NAALADL2: variants seen among roughly 807,000 people sequenced by gnomAD.
The protein encoded by NAALADL2 is inactive N-acetylated-alpha-linked acidic dipeptidase-like protein 2.
NAALADL2 carries 76 observed loss-of-function variants against 87.2 expected under a neutral mutation model. The observed-to-expected ratio is 0.87, with a 90% confidence interval of 0.72 to 1.05. The LOEUF is 1.05. Ranked by LOEUF, NAALADL2 falls within the 50% of genes least tolerant of loss-of-function variation. The pLI, the probability that NAALADL2 is intolerant of heterozygous loss-of-function variation, is 0.00. For missense variants in NAALADL2, 1,089 were observed against 945.8 expected (o/e 1.15, Z -1.99); for synonymous variants, 354 against 331.0 (o/e 1.07, Z -0.75).
chr3:175,251,894 G>A (rs1388035294), intron 3 of NAALADL2, among the ~76,000 whole-genome samples: 1 of 152,140 alleles, frequency 6.6e-6, no homozygotes, highest in African/African-American at 2.4e-5. Flanking sequence ...TAGTGCATAA[G>A]CCAAAATAAA....
intron 3 of NAALADL2, among the ~76,000 whole-genome samples, chr3:175,244,126 G>A (rs552675217): frequency 6.6e-6 from 1 of 152,048 alleles, no homozygotes; most frequent in South Asian, 2.1e-4. Flanking sequence ...CCCTTATCTC[G>A]GGAGCAATCA....
intron 1 of NAALADL2, among the ~76,000 whole-genome samples, chr3:175,030,341 C>A (rs1560495022): frequency 6.6e-6 from 1 of 151,992 alleles, no homozygotes; most frequent in Admixed American, 6.6e-5. Flanking sequence ...TGTTACTTTT[C>A]TGAAAATTAA....
chr3:174,807,630 T>A (rs1487079654), intron 3 of NAALADL2, among the ~76,000 whole-genome samples: 1 of 152,140 alleles, frequency 6.6e-6, no homozygotes, highest in African/African-American at 2.4e-5. Flanking sequence ...GAACTAGAAA[T>A]GAGCAGAACA....
chr3:174,895,018 T>C lies in NAALADL2; in HGVS notation c.43+35568T>C, dbSNP rs992113174. On this transcript the variant is annotated intron_variant, in intron 1 of 13. Coordinates refer to ENST00000454872, the MANE Select transcript of NAALADL2 (RefSeq NM_207015.3). The stretch of plus-strand genomic sequence containing the variant: ...ATACAACATACCAAAACCTATGGTA[T>C]ACAGCAAAAGCAGTACACAGAGATA... Among the ~76,000 whole-genome samples the C allele has an allele frequency of 2.0e-5, 3 of 152,248 alleles. No individual in the cohort carries two copies. In the East Asian group the frequency reaches 5.8e-4, roughly 29 times the overall value.
intron 13 of NAALADL2, among the ~76,000 whole-genome samples, chr3:175,782,896 A>G (rs1417463603): frequency 6.8e-6 from 1 of 147,256 alleles, no homozygotes; most frequent in Non-Finnish European, 1.5e-5. Context: ...GGTGTAAGGA[A>G]GGGATCCAGT....
intron 2 of NAALADL2, among the ~76,000 whole-genome samples, chr3:174,587,703 C>T (rs1479852164): frequency 6.6e-6 from 1 of 152,072 alleles, no homozygotes; most frequent in African/African-American, 2.4e-5. Flanking sequence ...GAGTATTGGC[C>T]CCCACTCTCT....
At chr3:174,443,611 G>A (rs1714827825) in intron 1 of NAALADL2, among the ~76,000 whole-genome samples, 1 of 152,166 alleles carries the variant, frequency 6.6e-6, no homozygotes, top group Non-Finnish European at 1.5e-5. Flanking sequence ...CATATAGCGG[G>A]TTGTAAAAGC....
At chr3:174,481,944 G>A (rs899591375) in intron 1 of NAALADL2, among the ~76,000 whole-genome samples, 2 of 152,022 alleles carry the variant, frequency 1.3e-5, no homozygotes, top group African/African-American at 2.4e-5. Flanking sequence ...AGGAAAACGG[G>A]TATTTAGCAT....
intron 2 of NAALADL2, among the ~76,000 whole-genome samples, chr3:174,565,867 G>A (rs898986412): frequency 1.3e-5 from 2 of 151,986 alleles, no homozygotes; most frequent in African/African-American, 4.8e-5. Flanking sequence ...TATAACTAGA[G>A]TCTAAAAAAT....
chr3:174,576,188 G>A (rs768639504), intron 2 of NAALADL2, among the ~76,000 whole-genome samples: 1 of 152,052 alleles, frequency 6.6e-6, no homozygotes, highest in African/African-American at 2.4e-5. Context: ...TAACAAAATA[G>A]ATATGGTTCC....
intron 2 of NAALADL2, among the ~76,000 whole-genome samples, chr3:175,177,797 A>G (rs1020598764): frequency 1.3e-5 from 2 of 151,780 alleles, no homozygotes; most frequent in Non-Finnish European, 2.9e-5. Flanking sequence ...AAGCTGAAGC[A>G]CGAATAAGTG....
rs5854580 is a variant in NAALADL2, at chr3:174,544,009, CAA to C, written c.-183-6548_-183-6547del. 1.5e-3 allele frequency among the ~76,000 whole-genome samples: 207 copies of C among 134,826 alleles called. 1 individual carries two copies. The highest frequency in any genetic ancestry group is 0.011 in the East Asian group (51 of 4,598). 88.5% of individuals were successfully genotyped at this position (134,826 alleles called of 152,430 possible). On this transcript the variant is annotated intron_variant, in intron 1 of 3. Coordinates refer to the NAALADL2 transcript ENST00000434257. ...GGTGACAAGAGTGAGACTCTGTCTC[CAA>C]AAAAAAAAAAAGAAAAGAAAGGCTT...
intron 1 of NAALADL2, among the ~76,000 whole-genome samples, chr3:175,090,650 A>G (rs1030672066): frequency 2.0e-5 from 3 of 151,544 alleles, no homozygotes; most frequent in Non-Finnish European, 2.9e-5. Flanking sequence ...TACCTTTTAC[A>G]TGTCATTTAG....
chr3:174,939,505 T>A (rs950459954), intron 1 of NAALADL2, among the ~76,000 whole-genome samples: 3 of 152,112 alleles, frequency 2.0e-5, no homozygotes, highest in Non-Finnish European at 4.4e-5. Context: ...TTTGGTTCCA[T>A]ATGAATTTTA....
intron 5 of NAALADL2, among the ~76,000 whole-genome samples, chr3:175,375,030 G>GA (rs928511833): frequency 6.6e-6 from 1 of 151,978 alleles, no homozygotes; most frequent in African/African-American, 2.4e-5. Context: ...AGTATTTACT[G>GA]AAAAAATCTT....
chr3:174,576,716 A>G (rs1402875809), intron 2 of NAALADL2, among the ~76,000 whole-genome samples: 1 of 152,098 alleles, frequency 6.6e-6, no homozygotes, highest in East Asian at 1.9e-4. Flanking sequence ...CCTTGCTGCC[A>G]CTCTTTCAAG....
intron 1 of NAALADL2, among the ~76,000 whole-genome samples, chr3:174,477,900 C>T (rs1296374215): frequency 6.6e-6 from 1 of 152,110 alleles, no homozygotes; most frequent in Non-Finnish European, 1.5e-5. Flanking sequence ...GAACTGTTAA[C>T]AACTGTAGTG....
intron 1 of NAALADL2, among the ~76,000 whole-genome samples, chr3:175,095,551 T>C (rs1006530900): frequency 6.6e-6 from 1 of 152,038 alleles, no homozygotes; most frequent in Admixed American, 6.6e-5. Context: ...TTAGTTATAT[T>C]TGAATTTTCT....
At chr3:175,246,024 A>G (rs1747908565) in intron 3 of NAALADL2, among the ~76,000 whole-genome samples, 1 of 152,172 alleles carries the variant, frequency 6.6e-6, no homozygotes, top group Non-Finnish European at 1.5e-5. Context: ...CCTTCAATAC[A>G]TTGTGGTCTT....
Sources: gnomAD v4.1 joint callset for allele counts (sites outside exome capture counted in the v4.1 genomes callset) on GRCh38, gnomAD v4.1.1 for gene constraint, MANE v1.5 for transcripts, NCBI Gene and HGNC (gene_info 2026-07-23, HGNC 2026-07-21) for gene names.